The following SCN2A variants were observed in gnomAD, a reference collection of about 807,000 sequenced individuals.
SCN2A encodes the protein sodium voltage-gated channel alpha subunit 2.
Under a neutral mutation model 188.7 loss-of-function variants are expected in SCN2A, and 20 were observed. The observed-to-expected ratio is 0.11, with a 90% confidence interval of 0.07 to 0.15. The LOEUF (loss-of-function observed/expected upper bound fraction) is 0.15, where lower values mean the gene tolerates loss of function less well. SCN2A is among the 10% of genes least tolerant of loss of function. The probability of loss-of-function intolerance (pLI) is 1.00; values close to 1 mark genes in which losing one functional copy is unlikely to be tolerated. For missense variants in SCN2A, 1,278 were observed against 2,445.0 expected, an observed-to-expected ratio of 0.52 and a Z score of 10.07; for synonymous variants, 804 against 833.1, an observed-to-expected ratio of 0.97 and a Z score of 0.60.
intron 21 of SCN2A, 100 bp from the exon 22 acceptor site, chr2:165,374,585 G>A: frequency 2.2e-6 from 3 of 1,348,020 alleles, no homozygotes; most frequent in Non-Finnish European, 3.1e-6. Context: ...CTTTGAAACA[G>A]ATTTTTTTAA....
chr2:165,251,551 G>C (rs1694094792), intron 1 of SCN2A, among the ~76,000 whole-genome samples: 1 of 150,876 alleles, frequency 6.6e-6, no homozygotes, highest in Non-Finnish European at 1.5e-5. Context: ...GTGAGGTAAG[G>C]GCATTTATTC....
chr2:165,249,204 G>A (rs1693988614), intron 1 of SCN2A, among the ~76,000 whole-genome samples: 1 of 152,122 alleles, frequency 6.6e-6, no homozygotes, highest in South Asian at 2.1e-4. Context: ...CACATAAGAA[G>A]TTTTACAAAT....
rs773059303 is a variant in SCN2A at position 165,323,172 on chromosome 2, G to A, written c.1688G>A (p.Arg563His). The change falls in exon 12 of 27, where the codon CGT (arginine) becomes CAT (histidine). Residue 563 changes from arginine (R) to histidine (H), a missense_variant. Transcript: ENST00000375437. The stretch of plus-strand genomic sequence containing the variant: ...TATTCATAGTCCTTACTGAGCATCC[G>A]TGGCTCCCTTTTCTCTCCAAGACGC... Reference protein sequence around the residue: ...SSPHQSLLSIRGSLFSPRRNS... With the variant: ...SSPHQSLLSIHGSLFSPRRNS... 9 of 1,613,828 alleles carry A rather than the reference G, an allele frequency of 5.6e-6. No individual in the cohort carries two copies. The highest frequency in any genetic ancestry group is 1.3e-5 in the African/African-American group (1 of 74,840).
intron 15 of SCN2A, among the ~76,000 whole-genome samples, chr2:165,343,628 A>G (rs1399795701): frequency 6.6e-6 from 1 of 152,168 alleles, no homozygotes; most frequent in Non-Finnish European, 1.5e-5. Context: ...ATAATGCACT[A>G]CTTTCAGCCT....
chr2:165,291,545 C>CT (rs1559340639), intron 1 of SCN2A, among the ~76,000 whole-genome samples: 3 of 99,624 alleles, frequency 3.0e-5, no homozygotes, highest in Middle Eastern at 4.3e-3. Context: ...TCCTTCCTTC[C>CT]TTCCTTCCTT....
At chr2:165,274,587 T>C (rs1224240178) in intron 1 of SCN2A, among the ~76,000 whole-genome samples, 1 of 152,236 alleles carries the variant, frequency 6.6e-6, no homozygotes, top group Admixed American at 6.5e-5. Context: ...ACCTGATGTG[T>C]AGCTATATCA....
chr2:165,322,979 G>T (rs761436002), intron 11 of SCN2A, among the ~76,000 whole-genome samples, 177 bp from the exon 12 acceptor site: 1 of 152,166 alleles, frequency 6.6e-6, no homozygotes, highest in Non-Finnish European at 1.5e-5. Flanking sequence ...GGTGAACCTT[G>T]TAGAAAGTGC....
At chr2:165,283,268 A>T (rs1224394510) in intron 1 of SCN2A, among the ~76,000 whole-genome samples, 1 of 152,170 alleles carries the variant, frequency 6.6e-6, no homozygotes, top group Non-Finnish European at 1.5e-5. Flanking sequence ...GGCTCCAAGA[A>T]CCTACAGCCC....
chr2:165,275,804 G>A (rs140987466), intron 1 of SCN2A, among the ~76,000 whole-genome samples: 3 of 151,376 alleles, frequency 2.0e-5, no homozygotes, highest in African/African-American at 4.9e-5. Flanking sequence ...GTGTGATCTC[G>A]GCTCACTGCA....
intron 1 of SCN2A, among the ~76,000 whole-genome samples, chr2:165,286,246 A>T (rs1266576367): frequency 1.3e-5 from 2 of 152,162 alleles, no homozygotes; most frequent in Admixed American, 6.5e-5. Flanking sequence ...TGTGCAGCAG[A>T]GCAACATTAA....
chr2:165,334,886 C>T (rs1698901859), intron 14 of SCN2A, among the ~76,000 whole-genome samples: 1 of 151,686 alleles, frequency 6.6e-6, no homozygotes, highest in Non-Finnish European at 1.5e-5. Context: ...CACACACACA[C>T]ACAGCTGTTA....
At chr2:165,296,882 G>T in intron 2 of SCN2A, 135 bp from the exon 3 acceptor site, 2 of 554,248 alleles carry the variant, frequency 3.6e-6, no homozygotes, top group East Asian at 3.0e-5. Context: ...CTATCTTCAT[G>T]TCATATGATG....
intron 1 of SCN2A, chr2:165,285,996 A>G (rs535386312): frequency 1.9e-5 from 4 of 205,586 alleles, no homozygotes; most frequent in East Asian, 2.3e-4. Flanking sequence ...ACAGATGAAG[A>G]CTTCGTGATA....
rs779432244 is a variant in SCN2A, at chr2:165,389,312, A to G, written c.5506A>G (p.Lys1836Glu). 12 of 1,614,092 alleles carry G rather than the reference A, an allele frequency of 7.4e-6. No homozygotes were observed. The highest frequency in any genetic ancestry group is 9.3e-6 in the Non-Finnish European group (11 of 1,180,008). ...TCCTCTTCTCATAGCAAAACCCAAC[A>G]AAGTCCAGCTCATTGCCATGGATCT... ...DPPLLIAKPNKVQLIAMDLPM... is the reference protein window; with the variant it reads ...DPPLLIAKPNEVQLIAMDLPM... The change falls in exon 27 of 27, where the codon AAA becomes GAA. Residue 1836 changes from lysine to glutamate, a missense_variant. Around this residue, in one of 17 missense-constraint regions of SCN2A, gnomAD observed 54 missense variants for 135.4 expected, o/e 0.40. Coordinates refer to ENST00000375437, the MANE Select transcript of SCN2A (RefSeq NM_001040142.2). This position sits in a 1 kb window ranked among gnomAD's most constrained non-coding sequence, Gnocchi z 4.2.
chr2:165,347,773 A>G (rs1486155172), intron 16 of SCN2A, among the ~76,000 whole-genome samples: 1 of 152,230 alleles, frequency 6.6e-6, no homozygotes, highest in Non-Finnish European at 1.5e-5. Context: ...CCATGTGTCA[A>G]GTTTACAAAA....
chr2:165,352,185 CTG>C (rs1297302711), intron 16 of SCN2A, among the ~76,000 whole-genome samples: 5 of 151,886 alleles, frequency 3.3e-5, no homozygotes, highest in African/African-American at 1.2e-4. Flanking sequence ...CTTCCTTTGT[CTG>C]TTTTTTTAAT....
At chr2:165,343,515 TCTTA>T (rs765329166) in intron 15 of SCN2A, among the ~76,000 whole-genome samples, 8 of 152,326 alleles carry the variant, frequency 5.3e-5, no homozygotes, top group African/African-American at 9.6e-5. Flanking sequence ...ATCACTAGAA[TCTTA>T]CTTAGTGTGT....
intron 20 of SCN2A, 68 bp from the exon 21 acceptor site, chr2:165,373,157 G>A (rs1701132631): frequency 6.5e-7 from 1 of 1,543,522 alleles, no homozygotes; most frequent in African/African-American, 1.4e-5. Flanking sequence ...TCATTGCATA[G>A]AGCAAGGCTG....
rs796595702 is a variant in SCN2A, at chr2:165,350,460, C to CTTTTTTT, written c.2920-3729_2920-3728insTTTTTTT. ...CTGAGTGAGCTTGCTGAACTGTTTT[C>CTTTTTTT]TTTCTTTTTTTTTTTTTTTTTTTTT... On this transcript the variant is annotated intron_variant, in intron 16 of 26. Coordinates refer to ENST00000375437, the MANE Select transcript of SCN2A (RefSeq NM_001040142.2). 3.5e-4 allele frequency among the ~76,000 whole-genome samples: 27 copies of CTTTTTTT among 77,914 alleles called. 2 individuals carry two copies. Among genetic ancestry groups the CTTTTTTT allele is most frequent in the African/African-American group, 8.3e-4 (19 of 23,018 alleles). The allele number at this position is 77,914 out of a possible 152,430, so 51.1% of individuals were successfully genotyped here. A position where few individuals can be genotyped will look rare whatever the true frequency, so the allele number is the denominator to read the frequency against.
Sources: gnomAD v4.1 joint callset for allele counts (sites outside exome capture counted in the v4.1 genomes callset) on GRCh38, gnomAD v4.1.1 for gene constraint, gnomAD v4.1.1 regional missense constraint, Gnocchi (gnomAD v3.1) non-coding constraint, MANE v1.5 for transcripts, NCBI Gene and HGNC (gene_info 2026-07-23, HGNC 2026-07-21) for gene names.